Variants in CACNA1D observed in about 807,000 individuals in gnomAD.
The protein encoded by CACNA1D is calcium voltage-gated channel subunit alpha1 D, also known as voltage-dependent L-type calcium channel subunit alpha-1D.
In CACNA1D, 55 loss-of-function variants were observed where a neutral mutation model predicts 257.1. The observed-to-expected ratio is 0.21, with a 90% CI of 0.17 to 0.27. The LOEUF (loss-of-function observed/expected upper bound fraction) is 0.27. CACNA1D is among the 10% of genes least tolerant of loss of function. CACNA1D has a pLI of 1.00. For missense variants in CACNA1D, 1,876 were observed against 2,784.0 expected (o/e 0.67, Z 7.34); for synonymous variants, 980 against 1,014.9 (o/e 0.97, Z 0.65).
Position 53,497,310 on chromosome 3 carries a change from C to T in CACNA1D, c.226C>T (p.Pro76Ser). ...AQTMSTSAPP[P>S]VGSLSQRKRQ... ...AACTATGAGCACCTCTGCACCCCCACCTGTAGGATCTCTCTCCCAAAGAAA... is the reference window on the plus strand; with the variant it reads ...AACTATGAGCACCTCTGCACCCCCATCTGTAGGATCTCTCTCCCAAAGAAA... Residue 76 changes from proline (P) to serine (S), a missense_variant, in exon 2 of 48, where the codon CCT (proline) becomes TCT (serine). By Grantham distance (74) the Pro-to-Ser change is moderately conservative (BLOSUM62 -1). Transcript: ENST00000350061. 3.7e-6 allele frequency: 6 copies of T among 1,614,144 alleles called. No homozygotes were observed. Among genetic ancestry groups the T allele is most frequent in the Non-Finnish European group, 5.1e-6 (6 of 1,180,032 alleles).
At chr3:53,753,313 G>A (rs925002821) in intron 28 of CACNA1D, among the ~76,000 whole-genome samples, 5 of 152,220 alleles carry the variant, frequency 3.3e-5, no homozygotes, top group African/African-American at 1.2e-4. Flanking sequence ...AGAAGAAAGG[G>A]TGAATTCCCT....
chr3:53,791,720 T>A (rs2095484179), intron 40 of CACNA1D: 1 of 152,414 alleles, frequency 6.6e-6, no homozygotes, highest in Non-Finnish European at 1.5e-5. Context: ...AGGTTCCATC[T>A]TAACGTGTCC....
intron 3 of CACNA1D, among the ~76,000 whole-genome samples, chr3:53,638,372 C>T (rs1224744458): frequency 1.3e-5 from 2 of 152,210 alleles, no homozygotes; most frequent in African/African-American, 4.8e-5. Context: ...CCTTCAGGGT[C>T]ATCAGTGAGT....
chr3:53,775,839 T>G, intron 34 of CACNA1D, 47 bp from the exon 35 acceptor site: 3 of 1,594,602 alleles, frequency 1.9e-6, no homozygotes, highest in African/African-American at 1.3e-5. Flanking sequence ...AAGCTTCAAA[T>G]TCCTTCTTTC....
At chr3:53,685,681 C>T (rs1340290420) in intron 8 of CACNA1D, among the ~76,000 whole-genome samples, 1 of 151,910 alleles carries the variant, frequency 6.6e-6, no homozygotes, top group Non-Finnish European at 1.5e-5. Context: ...TAAACCTTCC[C>T]AAATGTTTGG....
intron 15 of CACNA1D, 32 bp from the exon 16 acceptor site, chr3:53,730,410 A>G (rs1298260423): frequency 7.2e-7 from 1 of 1,389,834 alleles, no homozygotes; most frequent in South Asian, 1.2e-5. Flanking sequence ...TGCATTTAGT[A>G]GTGTGTTGTG....
chr3:53,559,969 T>A (rs2092708848), intron 3 of CACNA1D, among the ~76,000 whole-genome samples: 1 of 151,532 alleles, frequency 6.6e-6, no homozygotes, highest in Non-Finnish European at 1.5e-5. Context: ...TGCTGCTGCT[T>A]CTTGGTACTG....
rs550201475 is a variant in CACNA1D at position 53,791,303 on chromosome 3, A to G, written c.4923+4351A>G. 1.4e-5 allele frequency: 5 copies of G among 360,744 alleles called. No homozygotes were observed. In the Admixed American group the frequency reaches 2.2e-4, roughly 16 times the overall value. The allele number at this position is 360,744 out of a possible 1,614,324, so 22.3% of individuals were successfully genotyped here. On this transcript the variant is annotated intron_variant, in intron 40 of 47. Transcript: ENST00000350061. ...AGCTTAACAGTTTTCCCTTCCAAGC[A>G]GAGACTCAGAGAAAGGGAAAGAGTG...
intron 3 of CACNA1D, among the ~76,000 whole-genome samples, chr3:53,541,632 C>G (rs573155332): frequency 6.6e-6 from 1 of 152,108 alleles, no homozygotes; most frequent in Admixed American, 6.6e-5. Flanking sequence ...TTTGTTAAAG[C>G]GGAAATGTTT....
chr3:53,677,766 A>G (rs1251028233), intron 8 of CACNA1D, among the ~76,000 whole-genome samples: 1 of 152,248 alleles, frequency 6.6e-6, no homozygotes, highest in African/African-American at 2.4e-5. Context: ...GGGGAACGGC[A>G]TTTCTATTAC....
chr3:53,700,660 G>A (rs1177912482), intron 8 of CACNA1D, among the ~76,000 whole-genome samples: 1 of 152,108 alleles, frequency 6.6e-6, no homozygotes, highest in Non-Finnish European at 1.5e-5. Flanking sequence ...GGGCTGGGAG[G>A]TCAGAGCACG....
intron 9 of CACNA1D, among the ~76,000 whole-genome samples, chr3:53,711,695 A>C (rs948218904): frequency 5.9e-5 from 9 of 152,306 alleles, no homozygotes; most frequent in Non-Finnish European, 1.2e-4. Context: ...CTGAGCTGAG[A>C]GGTTATGGGA....
At chr3:53,754,798 T>G (rs528091341) in intron 29 of CACNA1D, among the ~76,000 whole-genome samples, 2 of 152,336 alleles carry the variant, frequency 1.3e-5, no homozygotes, top group South Asian at 4.1e-4. Context: ...CTGATTTAAT[T>G]AAGTTAGGCA....
At chr3:53,610,130 TAATG>T (rs2093565398) in intron 3 of CACNA1D, among the ~76,000 whole-genome samples, 1 of 152,242 alleles carries the variant, frequency 6.6e-6, no homozygotes, top group Admixed American at 6.5e-5. Flanking sequence ...TTCAATGTAT[TAATG>T]CTTGTTTTGT....
At chr3:53,683,689 A>G (rs1163756287) in intron 8 of CACNA1D, among the ~76,000 whole-genome samples, 1 of 149,840 alleles carries the variant, frequency 6.7e-6, no homozygotes, top group Non-Finnish European at 1.5e-5. Context: ...AGATGGACAT[A>G]ATAAAAGAAT....
chr3:53,503,421 A>C (rs1314149531), intron 3 of CACNA1D, among the ~76,000 whole-genome samples: 1 of 152,266 alleles, frequency 6.6e-6, no homozygotes, highest in African/African-American at 2.4e-5. Context: ...TAGGCCACAG[A>C]TGGTGTTAGC....
intron 40 of CACNA1D, among the ~76,000 whole-genome samples, chr3:53,797,247 G>A (rs868089053): frequency 4.6e-5 from 7 of 152,162 alleles, no homozygotes; most frequent in Admixed American, 2.0e-4. Context: ...TTTGTGATAT[G>A]TAATAAATTC....
rs9864070 is a variant in CACNA1D at position 53,724,278 on chromosome 3, A to G, written c.2100+279A>G. On this transcript the variant is annotated intron_variant, in intron 14 of 47. Transcript: ENST00000350061. ...TTTCACACTCAAGCTCTTCCAAGAA[A>G]ACTTTTTGATTGATTTTATGAGGTT... is the stretch of plus-strand genomic sequence containing the variant. Among the ~76,000 whole-genome samples the G allele has an allele frequency of 8.0e-3, 1,212 of 152,354 alleles. 20 individuals are homozygous for G. Among genetic ancestry groups the G allele is most frequent in the African/African-American group, 0.028 (1,157 of 41,582 alleles).
intron 9 of CACNA1D, among the ~76,000 whole-genome samples, chr3:53,710,970 C>T (rs950325273): frequency 6.6e-6 from 1 of 152,156 alleles, no homozygotes; most frequent in East Asian, 1.9e-4. Flanking sequence ...GTGGCTCACA[C>T]CTGTAATTCC....
Sources: allele counts gnomAD v4.1 joint callset (sites outside exome capture counted in the v4.1 genomes callset), GRCh38; gene constraint gnomAD v4.1.1; transcripts MANE v1.5; gene names NCBI Gene and HGNC (gene_info 2026-07-23, HGNC 2026-07-21).